The following NCAM2 variants were observed in gnomAD, a reference collection of about 807,000 sequenced individuals.
The protein encoded by NCAM2 is N-CAM-2.
Under a neutral mutation model 98.1 loss-of-function variants are expected in NCAM2, and 30 were observed. That is an observed-to-expected ratio of 0.31 (90% CI 0.23 to 0.41). NCAM2 has a LOEUF of 0.41. Ranked by LOEUF, NCAM2 falls within the 10% of genes least tolerant of loss-of-function variation. The pLI is 1.00. For synonymous variants in NCAM2, 368 were observed against 342.4 expected (o/e 1.07, Z -0.83); for missense variants, 867 against 1,005.8 (o/e 0.86, Z 1.87).
chr21:21,096,970 T>C (rs1188477011), intron 1 of NCAM2, among the ~76,000 whole-genome samples: 1 of 151,818 alleles, frequency 6.6e-6, no homozygotes, highest in Non-Finnish European at 1.5e-5. Flanking sequence ...TCAACATCCC[T>C]AAGCCAGTTA....
At chr21:21,386,740 A>T (rs1415498332) in intron 9 of NCAM2, among the ~76,000 whole-genome samples, 1 of 151,652 alleles carries the variant, frequency 6.6e-6, no homozygotes, top group Non-Finnish European at 1.5e-5. Flanking sequence ...GATCTTGTTA[A>T]AATGTATTTC....
intron 9 of NCAM2, among the ~76,000 whole-genome samples, chr21:21,408,531 T>C (rs1183861273): frequency 6.6e-6 from 1 of 152,162 alleles, no homozygotes; most frequent in African/African-American, 2.4e-5. Context: ...TCAATTATAT[T>C]CCCTTTAATA....
chr21:21,250,707 A>G (rs1160755650), intron 1 of NCAM2, among the ~76,000 whole-genome samples: 2 of 152,236 alleles, frequency 1.3e-5, no homozygotes, highest in Non-Finnish European at 2.9e-5. Flanking sequence ...TAGTCACACT[A>G]TATCCACAGA....
At chr21:21,373,761 T>C in intron 8 of NCAM2, 102 bp from the exon 9 acceptor site, 1 of 1,060,664 alleles carries the variant, frequency 9.4e-7, no homozygotes, top group Non-Finnish European at 1.3e-6. Context: ...CTTTTTTCTT[T>C]TTGCCAGAGA....
At chr21:21,351,134 A>AAG (rs1421804273) in intron 8 of NCAM2, among the ~76,000 whole-genome samples, 3 of 150,096 alleles carry the variant, frequency 2.0e-5, no homozygotes, top group East Asian at 2.0e-4. Context: ...AAAAAAAAAA[A>AAG]AAAAAAAAGA....
chr21:21,136,444 G>A (rs984087670), intron 1 of NCAM2, among the ~76,000 whole-genome samples: 2 of 148,438 alleles, frequency 1.3e-5, no homozygotes, highest in Non-Finnish European at 3.0e-5. Context: ...ATGCTAAATT[G>A]TACTCTACTC....
chr21:21,421,919 T>A (rs2077118767), intron 11 of NCAM2, among the ~76,000 whole-genome samples: 1 of 152,230 alleles, frequency 6.6e-6, no homozygotes. Flanking sequence ...TTTCCTTTTT[T>A]CCTCCCATTT....
chr21:21,207,516 A>G (rs1178473161), intron 1 of NCAM2, among the ~76,000 whole-genome samples: 6 of 149,020 alleles, frequency 4.0e-5, no homozygotes, highest in Non-Finnish European at 8.9e-5. Flanking sequence ...AATGTAAACT[A>G]TTTGAACTAA....
At chr21:21,058,985 A>C (rs2065268820) in intron 1 of NCAM2, among the ~76,000 whole-genome samples, 1 of 152,080 alleles carries the variant, frequency 6.6e-6, no homozygotes, top group Non-Finnish European at 1.5e-5. Flanking sequence ...AGCTGAATTT[A>C]ATATCCCAGA....
chr21:21,070,267 G>GTGTATATA (rs927008848), intron 1 of NCAM2, among the ~76,000 whole-genome samples: 10 of 145,244 alleles, frequency 6.9e-5, no homozygotes, highest in African/African-American at 2.5e-4. Context: ...TGTACATAGT[G>GTGTATATA]TATATATATA....
chr21:21,457,716 G>C (rs949836906), intron 12 of NCAM2, among the ~76,000 whole-genome samples: 3 of 151,940 alleles, frequency 2.0e-5, no homozygotes, highest in African/African-American at 7.3e-5. Context: ...GTTACAACTT[G>C]TGTGTGATGG....
chr21:21,006,184 G>C (rs1568919311), intron 1 of NCAM2, among the ~76,000 whole-genome samples: 1 of 152,116 alleles, frequency 6.6e-6, no homozygotes, highest in African/African-American at 2.4e-5. Context: ...TGATAAACCA[G>C]GGGATGATGT....
At chr21:21,386,680 C>T (rs764537776) in intron 9 of NCAM2, among the ~76,000 whole-genome samples, 3 of 152,070 alleles carry the variant, frequency 2.0e-5, no homozygotes, top group Non-Finnish European at 4.4e-5. Context: ...CGATTGTCCT[C>T]GTTTTATAAC....
chr21:21,142,531 A>G (rs909674385), intron 1 of NCAM2, among the ~76,000 whole-genome samples: 25 of 139,046 alleles, frequency 1.8e-4, no homozygotes, highest in Non-Finnish European at 3.1e-4. Flanking sequence ...GGCGTCCGCC[A>G]CCAGGCCTGG....
At chr21:21,487,556 A>G (rs1375875344) in intron 15 of NCAM2, among the ~76,000 whole-genome samples, 2 of 152,072 alleles carry the variant, frequency 1.3e-5, no homozygotes, top group Non-Finnish European at 2.9e-5. Flanking sequence ...ATATTTCAAA[A>G]GATTGTTTTG....
chr21:21,002,711 A>C (rs1568915991), intron 1 of NCAM2, among the ~76,000 whole-genome samples: 1 of 152,154 alleles, frequency 6.6e-6, no homozygotes, highest in Non-Finnish European at 1.5e-5. Flanking sequence ...GAGTGATTCT[A>C]AATTGCCCTA....
chr21:21,486,021 CGGCTG>C (rs1986320564), intron 15 of NCAM2, among the ~76,000 whole-genome samples: 1 of 151,850 alleles, frequency 6.6e-6, no homozygotes, highest in Non-Finnish European at 1.5e-5. Context: ...CACTTCTGGC[CGGCTG>C]GGCGCGGTGG....
Position 21,299,904 on chromosome 21 carries a change from G to A in NCAM2, c.619+7663G>A, listed in dbSNP as rs763166164. 6.3e-4 allele frequency among the ~76,000 whole-genome samples: 95 copies of A among 151,808 alleles called. 1 individual carries two copies. The highest frequency in any genetic ancestry group is 2.9e-3 in the Admixed American group (44 of 15,170). On this transcript the variant is annotated intron_variant, in intron 5 of 17. Coordinates refer to ENST00000400546, the MANE Select transcript of NCAM2 (RefSeq NM_004540.5). ...AAGTCCCTTTATGTAAAAAGGCATA[G>A]TATTTGCATATAGCCTACACACATT...
At chr21:21,306,890 C>G (rs2073896653) in intron 5 of NCAM2, among the ~76,000 whole-genome samples, 1 of 146,398 alleles carries the variant, frequency 6.8e-6, no homozygotes, top group African/African-American at 2.5e-5. Flanking sequence ...ACTCTCTGTT[C>G]CCTGAATTCA....
Sources: allele counts gnomAD v4.1 joint callset (sites outside exome capture counted in the v4.1 genomes callset), GRCh38; gene constraint gnomAD v4.1.1; transcripts MANE v1.5; gene names NCBI Gene and HGNC (gene_info 2026-07-23, HGNC 2026-07-21).